The following YME1L1 variants were observed in gnomAD, a reference collection of about 807,000 sequenced individuals.
The protein encoded by YME1L1 is YME1 like 1 ATPase, also known as ATP-dependent zinc metalloprotease YME1L1.
In YME1L1, 39 loss-of-function variants were observed where a neutral mutation model predicts 90.4. The observed-to-expected ratio is 0.43, with a 90% CI of 0.33 to 0.56. The LOEUF (loss-of-function observed/expected upper bound fraction) is 0.56. YME1L1 is among the 20% of genes least tolerant of loss of function. The probability of loss-of-function intolerance (pLI) is 0.03; values close to 1 mark genes in which losing one functional copy is unlikely to be tolerated. For missense variants in YME1L1, 617 were observed against 868.4 expected (o/e 0.71, Z 3.64); for synonymous variants, 284 against 287.3 (o/e 0.99, Z 0.12).
At chr10:27,142,881 A>AATTTTTTGT (rs1486715916) in intron 3 of YME1L1, among the ~76,000 whole-genome samples, 2 of 151,864 alleles carry the variant, frequency 1.3e-5, no homozygotes, top group East Asian at 3.9e-4. Context: ...ATGCCCGGCT[A>AATTTTTTGT]ATTTTTTGTA....
chr10:27,142,179 T>C (rs1057219946), intron 4 of YME1L1, among the ~76,000 whole-genome samples: 2 of 152,140 alleles, frequency 1.3e-5, no homozygotes, highest in Admixed American at 6.6e-5. Context: ...GTTTGATTTA[T>C]TGTGGCACTA....
rs548514672 is a variant in YME1L1, at chr10:27,115,518, C to A, written c.1920+542G>T. ...TAGAGATGGGGTTGTGCCATGTTGC[C>A]CAGGCTGGTCCAGAACTCACTCCTG... On this transcript the variant is annotated intron_variant, in intron 17 of 18. Transcript: ENST00000376016. 2.6e-5 allele frequency among the ~76,000 whole-genome samples: 4 copies of A among 151,850 alleles called. No homozygotes were observed. The East Asian group carries it at 7.8e-4, about 30-fold the overall frequency.
At chr10:27,115,729 G>C (rs1466903984) in intron 17 of YME1L1, among the ~76,000 whole-genome samples, 1 of 152,074 alleles carries the variant, frequency 6.6e-6, no homozygotes, top group Non-Finnish European at 1.5e-5. Context: ...ACAATGACAA[G>C]ATGAAAATAT....
At chr10:27,136,719 A>G (rs989151218) in intron 4 of YME1L1, among the ~76,000 whole-genome samples, 3 of 148,240 alleles carry the variant, frequency 2.0e-5, no homozygotes, top group African/African-American at 7.4e-5. Flanking sequence ...TTATTTATTT[A>G]TTTATTTATT....
At chr10:27,154,154 A>C in intron 1 of YME1L1, 24 bp downstream of exon 1, 2 of 1,580,118 alleles carry the variant, frequency 1.3e-6, no homozygotes, top group Non-Finnish European at 1.7e-6. Flanking sequence ...GGAGGAAAAA[A>C]AATGGGCTGA....
At chr10:27,147,339 T>A (rs2057154579) in intron 2 of YME1L1, 1 of 1,368,672 alleles carries the variant, frequency 7.3e-7, no homozygotes. Context: ...ACAAAAAATT[T>A]AAAAATGATA....
Position 27,111,910 on chromosome 10 carries a change from G to A in YME1L1, c.*67C>T. 6.3e-7 allele frequency: 1 copy of A among 1,576,610 alleles called. No homozygotes were observed. The highest frequency in any genetic ancestry group is 1.1e-5 in the South Asian group (1 of 90,208). On this transcript the variant is annotated 3_prime_UTR_variant, in exon 19 of 19. Coordinates refer to ENST00000376016, the MANE Select transcript of YME1L1 (RefSeq NM_014263.4). The stretch of plus-strand genomic sequence containing the variant: ...AGAATGAGGGGAAAGCGTTGTAAAA[G>A]TAGACTACTGCAATGCTACTTGTAT...
intron 8 of YME1L1, 104 bp from the exon 9 acceptor site, chr10:27,126,890 T>C: frequency 1.5e-6 from 1 of 680,064 alleles, no homozygotes; most frequent in Non-Finnish European, 2.5e-6. Context: ...GGATATGGAA[T>C]TAACCTGACC....
Position 27,154,161 on chromosome 10 carries a change from C to T in YME1L1, c.33+17G>A, listed in dbSNP as rs2135922298. 1 of 1,583,996 alleles carries T rather than the reference C, an allele frequency of 6.3e-7. No individual in the cohort carries two copies. Among genetic ancestry groups the T allele is most frequent in the East Asian group, 2.3e-5 (1 of 43,638 alleles). ...GCAGGGCGGGAGGAAAAAAAATGGG[C>T]TGAATGCCTGGCTTACCTGGGGTTG... On this transcript the variant is annotated intron_variant, in intron 1 of 18. Transcript: ENST00000376016.
intron 8 of YME1L1, chr10:27,129,096 A>AC (rs1457097597): frequency 2.7e-5 from 4 of 149,750 alleles, no homozygotes; most frequent in African/African-American, 9.9e-5. Flanking sequence ...AAAAAAAAAA[A>AC]AAAAAAAAAA....
intron 8 of YME1L1, among the ~76,000 whole-genome samples, chr10:27,127,788 A>C (rs1274430801): frequency 2.0e-5 from 3 of 152,182 alleles, no homozygotes; most frequent in African/African-American, 7.2e-5. Context: ...TACTTATAAC[A>C]CAGACAGTTT....
chr10:27,123,375 C>T (rs1156333424), intron 10 of YME1L1, among the ~76,000 whole-genome samples, 172 bp downstream of exon 10: 1 of 152,004 alleles, frequency 6.6e-6, no homozygotes, highest in Non-Finnish European at 1.5e-5. Context: ...AAACCAAGGT[C>T]CCACAATGGC....
chr10:27,115,539 T>A (rs777408730), intron 17 of YME1L1, among the ~76,000 whole-genome samples: 3 of 151,954 alleles, frequency 2.0e-5, no homozygotes, highest in Non-Finnish European at 4.4e-5. Flanking sequence ...CAGAACTCAC[T>A]CCTGGGCTCA....
At chr10:27,131,250 T>A (rs141095482) in intron 8 of YME1L1, among the ~76,000 whole-genome samples, 1,606 of 152,296 alleles carry the variant, frequency 0.011, 24 homozygotes, top group Non-Finnish European at 0.015. Flanking sequence ...ATACTCTACT[T>A]TTTCTTACAT....
rs376155475 is a variant in YME1L1, at chr10:27,115,728, A to T, written c.1920+332T>A. Among the ~76,000 whole-genome samples, 14 of 152,338 alleles carry T rather than the reference A, an allele frequency of 9.2e-5. No individual in the cohort carries two copies. In the East Asian group the frequency reaches 2.1e-3, roughly 23 times the overall value. On this transcript the variant is annotated intron_variant, in intron 17 of 18. Coordinates refer to ENST00000376016, the MANE Select transcript of YME1L1 (RefSeq NM_014263.4). ...AGTAGTGCTTCAAGGAACAATGACA[A>T]GATGAAAATATGAAATAGAGGGAAA... is the stretch of plus-strand genomic sequence containing the variant.
intron 1 of YME1L1, among the ~76,000 whole-genome samples, chr10:27,151,688 T>C (rs1378691966): frequency 2.6e-5 from 4 of 152,088 alleles, no homozygotes; most frequent in Admixed American, 1.3e-4. Context: ...GAGACCATCC[T>C]GGCTAACACG....
At chr10:27,153,313 AG>A in intron 1 of YME1L1, 1 of 465,852 alleles carries the variant, frequency 2.1e-6, no homozygotes, top group Non-Finnish European at 4.4e-6. Flanking sequence ...TCTTAAAATG[AG>A]GGGGAGTAAA....
At chr10:27,132,617 C>G (rs2056988525) in intron 7 of YME1L1, among the ~76,000 whole-genome samples, 1 of 151,540 alleles carries the variant, frequency 6.6e-6, no homozygotes, top group Non-Finnish European at 1.5e-5. Flanking sequence ...GTGAGGAGAT[C>G]GAGACCATCT....
At chr10:27,124,641 C>T (rs577487191) in intron 9 of YME1L1, among the ~76,000 whole-genome samples, 38 of 152,230 alleles carry the variant, frequency 2.5e-4, no homozygotes, top group African/African-American at 7.5e-4. Flanking sequence ...TGGATTACAT[C>T]TTGGTATCTG....
Sources: allele counts gnomAD v4.1 joint callset (sites outside exome capture counted in the v4.1 genomes callset), GRCh38; gene constraint gnomAD v4.1.1; transcripts MANE v1.5; gene names NCBI Gene and HGNC (gene_info 2026-07-23, HGNC 2026-07-21).